NBAS: variants seen among roughly 807,000 people sequenced by gnomAD.
NBAS encodes NBAS subunit of NRZ tethering complex.
A neutral mutation model predicts 302.5 loss-of-function variants in NBAS; 219 were observed. That is an observed-to-expected ratio of 0.72 (90% CI 0.65 to 0.81). NBAS has a LOEUF of 0.81. Ranked by LOEUF, NBAS falls within the 30% of genes least tolerant of loss-of-function variation. NBAS has a pLI of 0.00. For missense variants in NBAS, 2,932 were observed against 2,841.6 expected, an observed-to-expected ratio of 1.03 and a Z score of -0.72; for synonymous variants, 1,118 against 1,021.6, an observed-to-expected ratio of 1.09 and a Z score of -1.80.
chr2:14,889,572 A>G, the NBAS span, among the ~76,000 whole-genome samples: 3 of 152,092 alleles, frequency 2.0e-5, no homozygotes, highest in Non-Finnish European at 1.5e-5. Context: ...AGAGATCCCG[A>G]CTCTCCACAT....
chr2:15,208,430 A>G (rs1362214361), intron 48 of NBAS, among the ~76,000 whole-genome samples: 1 of 152,224 alleles, frequency 6.6e-6, no homozygotes, highest in Non-Finnish European at 1.5e-5. Context: ...TAGCCAAACC[A>G]TATCAGGCCC....
chr2:14,805,964 A>G, the NBAS span, among the ~76,000 whole-genome samples: 1 of 152,190 alleles, frequency 6.6e-6, no homozygotes, highest in Non-Finnish European at 1.5e-5. Context: ...GATTTCAACT[A>G]GATTGAGATC....
chr2:14,901,938 A>T, the NBAS span, among the ~76,000 whole-genome samples: 9 of 152,216 alleles, frequency 5.9e-5, no homozygotes, highest in African/African-American at 2.2e-4. Flanking sequence ...ACATGCTTGG[A>T]AACACCCATG....
intron 48 of NBAS, among the ~76,000 whole-genome samples, chr2:15,205,637 C>T (rs1264419523): frequency 2.0e-5 from 3 of 152,210 alleles, no homozygotes; most frequent in East Asian, 1.9e-4. Context: ...CCACTCAAAT[C>T]GCATCTCGAA....
chr2:15,113,556 G>C, the NBAS span, among the ~76,000 whole-genome samples: 2 of 152,046 alleles, frequency 1.3e-5, no homozygotes, highest in Non-Finnish European at 2.9e-5. Context: ...AAGGACATGG[G>C]AGCTAAGTAG....
At chr2:14,995,822 T>C in the NBAS span, among the ~76,000 whole-genome samples, 9 of 152,204 alleles carry the variant, frequency 5.9e-5, no homozygotes, top group East Asian at 1.5e-3. Flanking sequence ...CCCAGGCTCA[T>C]GCACTCCTCC....
At chr2:15,127,299 C>T in the NBAS span, among the ~76,000 whole-genome samples, 2 of 152,166 alleles carry the variant, frequency 1.3e-5, no homozygotes, top group African/African-American at 4.8e-5. Flanking sequence ...TTGAAAAATC[C>T]TTTCCATCTG....
intron 40 of NBAS, among the ~76,000 whole-genome samples, chr2:15,303,449 A>G (rs779012502): frequency 6.6e-6 from 1 of 152,232 alleles, no homozygotes; most frequent in Non-Finnish European, 1.5e-5. Context: ...CACCAAGTGG[A>G]AAGAACTGTA....
At chr2:14,966,739 C>A in the NBAS span, among the ~76,000 whole-genome samples, 1 of 152,184 alleles carries the variant, frequency 6.6e-6, no homozygotes, top group Non-Finnish European at 1.5e-5. Context: ...AGACCAGTAG[C>A]AAGACAGGGC....
At chr2:14,802,375 G>C in the NBAS span, among the ~76,000 whole-genome samples, 4,927 of 150,760 alleles carry the variant, frequency 0.033, 245 homozygotes, top group African/African-American at 0.11. Flanking sequence ...CTGTTCCATT[G>C]ATCTATATCT....
intron 11 of NBAS, among the ~76,000 whole-genome samples, chr2:15,498,040 C>T (rs1320460856): frequency 1.3e-5 from 2 of 152,108 alleles, no homozygotes; most frequent in East Asian, 3.8e-4. Flanking sequence ...ACCTTTCCTC[C>T]ACTGATTCTC....
At chr2:14,804,262 T>G in the NBAS span, among the ~76,000 whole-genome samples, 1 of 152,226 alleles carries the variant, frequency 6.6e-6, no homozygotes, top group Non-Finnish European at 1.5e-5. Context: ...AGAATCTATT[T>G]AGTGCTACAT....
chr2:15,116,812 CA>C, the NBAS span, among the ~76,000 whole-genome samples: 1 of 152,140 alleles, frequency 6.6e-6, no homozygotes, highest in African/African-American at 2.4e-5. Context: ...GCAATTAAAA[CA>C]GTGAGCTTTC....
Position 15,330,612 on chromosome 2 carries a change from G to GA in NBAS, c.4332_4333insT (p.Leu1445SerfsTer21), listed in dbSNP as rs1442013338. On this transcript the variant is annotated frameshift_variant, in exon 36 of 52. Coordinates refer to ENST00000281513, the MANE Select transcript of NBAS (RefSeq NM_015909.4). LOFTEE classifies it high-confidence loss of function. ...GCACTGCTTACCTGAAGGGGTCGAA[G>GA]GTAAGTTAAAGACTTCTTCCACCAC... is the stretch of plus-strand genomic sequence containing the variant. 1.7e-5 allele frequency: 27 copies of GA among 1,613,868 alleles called. No homozygotes were observed. The highest frequency in any genetic ancestry group is 2.3e-5 in the Non-Finnish European group (27 of 1,179,864).
the NBAS span, among the ~76,000 whole-genome samples, chr2:15,125,221 T>C: frequency 1.3e-5 from 2 of 152,178 alleles, no homozygotes; most frequent in South Asian, 2.1e-4. Flanking sequence ...GGGTAATTTA[T>C]AAAGAAAAGA....
chr2:14,867,137 A>C, the NBAS span, among the ~76,000 whole-genome samples: 1 of 152,306 alleles, frequency 6.6e-6, no homozygotes, highest in Non-Finnish European at 1.5e-5. Flanking sequence ...ACAACTTGAT[A>C]TATCATTAAG....
At chr2:15,357,413 C>A (rs1473090021) in intron 32 of NBAS, among the ~76,000 whole-genome samples, 3 of 152,146 alleles carry the variant, frequency 2.0e-5, no homozygotes, top group Non-Finnish European at 4.4e-5. Flanking sequence ...TGAAAATAAA[C>A]CCTTAAAATT....
chr2:14,891,572 A>G, the NBAS span, among the ~76,000 whole-genome samples: 15 of 152,208 alleles, frequency 9.9e-5, no homozygotes, highest in Non-Finnish European at 2.2e-4. Flanking sequence ...CTCAATCCTC[A>G]GAACTACCTG....
the NBAS span, among the ~76,000 whole-genome samples, chr2:14,877,814 G>A: frequency 3.3e-5 from 5 of 152,096 alleles, no homozygotes; most frequent in Admixed American, 2.6e-4. Context: ...GCCTCCAGCC[G>A]CAAGATATGA....
Sources: gnomAD v4.1 joint callset for allele counts (sites outside exome capture counted in the v4.1 genomes callset) on GRCh38, gnomAD v4.1.1 for gene constraint, MANE v1.5 for transcripts, NCBI Gene and HGNC (gene_info 2026-07-23, HGNC 2026-07-21) for gene names.